CCNJL: variants seen among roughly 807,000 people sequenced by gnomAD.
The protein encoded by CCNJL is cyclin J like.
In CCNJL, 33 loss-of-function variants were observed where a neutral mutation model predicts 33.4. The observed-to-expected ratio is 0.99, with a 90% confidence interval of 0.75 to 1.32. The LOEUF (loss-of-function observed/expected upper bound fraction) is 1.32. Among genes scored for constraint, CCNJL ranks in the 40% most tolerant of loss-of-function variants. The pLI is 0.00. For synonymous variants in CCNJL, 227 were observed against 220.9 expected, an observed-to-expected ratio of 1.03 and a Z score of -0.24; for missense variants, 512 against 499.7, an observed-to-expected ratio of 1.02 and a Z score of -0.23.
intron 2 of CCNJL, among the ~76,000 whole-genome samples, chr5:160,292,700 T>G: frequency 7.0e-6 from 1 of 142,740 alleles, no homozygotes; most frequent in East Asian, 2.0e-4. Flanking sequence ...TATATATATA[T>G]AACTTGAAAG....
intron 2 of CCNJL, among the ~76,000 whole-genome samples, chr5:160,311,391 A>G (rs1023410379): frequency 2.6e-5 from 4 of 152,142 alleles, no homozygotes; most frequent in Non-Finnish European, 5.9e-5. Flanking sequence ...CTTTATATAG[A>G]GTTACTACTT....
chr5:160,279,779 G>C (rs1212893606), intron 3 of CCNJL, among the ~76,000 whole-genome samples: 1 of 152,232 alleles, frequency 6.6e-6, no homozygotes, highest in Non-Finnish European at 1.5e-5. Context: ...GAAAGGCACA[G>C]GGCAAAGAGG....
chr5:160,312,431 C>G lies in CCNJL; in HGVS notation c.-117G>C, dbSNP rs913124910. On this transcript the variant is annotated 5_prime_UTR_variant, in exon 1 of 6. Transcript: ENST00000257536. ...CCCAGTGCCGAGCCAGCCGTGCCCT[C>G]TGGTGCCTGCCGGCGGTTGGACCCT... 2.6e-5 allele frequency: 4 copies of G among 152,892 alleles called. No individual in the cohort carries two copies. Among genetic ancestry groups the G allele is most frequent in the African/African-American group, 9.7e-5 (4 of 41,430 alleles). The allele number at this position is 152,892 out of a possible 1,614,324, so 9.5% of individuals were successfully genotyped here.
intron 3 of CCNJL, among the ~76,000 whole-genome samples, chr5:160,272,544 A>G (rs773469701): frequency 1.3e-5 from 2 of 152,220 alleles, no homozygotes; most frequent in Non-Finnish European, 2.9e-5. Flanking sequence ...AGAAGCCCCA[A>G]GTGGACACGG....
In CCNJL at chr5:160,280,662, A is replaced by G. The variant is rs2113351492; in HGVS notation, c.143T>C (p.Leu48Pro). ...GCAGAGCTGGCAGTGGCTGCTCAGC[A>G]GGGTCAGGATGTCCACGAAGAACCG... ...SRRFFVDILT[L>P]LSSHCQLCPA... is the part of the protein sequence containing the mutation. Residue 48 changes from leucine (L) to proline (P), a missense_variant, in exon 3 of 6, where the codon CTG (leucine) becomes CCG (proline). Leu to Pro is a moderately conservative substitution (Grantham distance 98). Coordinates refer to ENST00000257536, the MANE Select transcript of CCNJL (RefSeq NM_001308173.3). 2 of 1,613,512 alleles carry G rather than the reference A, an allele frequency of 1.2e-6. No homozygotes were observed. The highest frequency in any genetic ancestry group is 2.2e-5 in the East Asian group (1 of 44,858).
chr5:160,292,283 G>A (rs963556723), intron 2 of CCNJL, among the ~76,000 whole-genome samples: 4 of 152,106 alleles, frequency 2.6e-5, no homozygotes, highest in African/African-American at 9.7e-5. Context: ...AGCCTTATGA[G>A]ATATATAGAT....
At chr5:160,307,404 GCCC>G in intron 2 of CCNJL, among the ~76,000 whole-genome samples, 1 of 152,276 alleles carries the variant, frequency 6.6e-6, no homozygotes, top group South Asian at 2.1e-4. Context: ...AAGGAACGTG[GCCC>G]TCAAGCTGCA....
chr5:160,282,966 AATATATATATAT>A (rs70990720), intron 2 of CCNJL, among the ~76,000 whole-genome samples: 65 of 43,390 alleles, frequency 1.5e-3, no homozygotes, highest in African/African-American at 2.0e-3. Context: ...CAGTCCTTGG[AATATATATATAT>A]ATATATATAT....
At chr5:160,288,913 T>C (rs1261007335) in intron 2 of CCNJL, among the ~76,000 whole-genome samples, 1 of 151,790 alleles carries the variant, frequency 6.6e-6, no homozygotes, top group African/African-American at 2.4e-5. Flanking sequence ...TACTAGGTTC[T>C]ACCTGGATTC....
At chr5:160,258,242 C>T (rs1761156317) in intron 4 of CCNJL, 1 of 661,032 alleles carries the variant, frequency 1.5e-6, no homozygotes, top group South Asian at 1.6e-5. Context: ...GACCGAGTCT[C>T]GCTGGTCAAA....
chr5:160,260,064 T>C (rs991874718), intron 3 of CCNJL, among the ~76,000 whole-genome samples: 2 of 152,154 alleles, frequency 1.3e-5, no homozygotes, highest in African/African-American at 4.8e-5. Flanking sequence ...TTAGAGTCAA[T>C]GGGAAAATGC....
upstream of CCNJL, among the ~76,000 whole-genome samples, chr5:160,316,646 A>G (rs1400462943): frequency 6.6e-6 from 1 of 152,136 alleles, no homozygotes; most frequent in Non-Finnish European, 1.5e-5. Flanking sequence ...TTCGGAAGTG[A>G]TTTATGCATT....
In CCNJL at chr5:160,311,869, G is replaced by A. The variant is rs905829963; in HGVS notation, c.55C>T (p.Leu19=). The A allele has an allele frequency of 3.1e-6, 5 of 1,614,068 alleles. No individual in the cohort carries two copies. In the South Asian group the frequency reaches 4.4e-5, roughly 14 times the overall value. The change falls in exon 2 of 6, where the codon CTG becomes TTG. Residue 19 remains leucine, a synonymous_variant. Coordinates refer to ENST00000257536, the MANE Select transcript of CCNJL (RefSeq NM_001308173.3). ...AGGGAGGGACTGACCTTCTCGCGCA[G>A]GGTGCAGTGGACGTCCGAGGCGACG... is the stretch of plus-strand genomic sequence containing the variant. The part of the protein sequence containing the change: ...GRVASDVHCT[L]REKELKLPTF...
At chr5:160,293,596 C>T (rs760062774) in intron 2 of CCNJL, among the ~76,000 whole-genome samples, 2 of 152,084 alleles carry the variant, frequency 1.3e-5, no homozygotes, top group Non-Finnish European at 2.9e-5. Flanking sequence ...TTTCTCTGTG[C>T]GCACGCATGT....
intron 2 of CCNJL, among the ~76,000 whole-genome samples, chr5:160,293,236 T>C (rs1045725954): frequency 2.0e-5 from 3 of 152,282 alleles, no homozygotes; most frequent in South Asian, 2.1e-4. Context: ...CTGGCCAACA[T>C]GGTGAAACCC....
chr5:160,314,383 C>T (rs72814314), upstream of CCNJL, among the ~76,000 whole-genome samples: 14,339 of 152,050 alleles, frequency 0.094, 773 homozygotes, highest in South Asian at 0.2. Context: ...CAAGTATAAA[C>T]GGCTAAATTA....
intron 1 of CCNJL, among the ~76,000 whole-genome samples, chr5:160,337,626 A>C (rs1763699124): frequency 6.6e-6 from 1 of 152,126 alleles, no homozygotes; most frequent in South Asian, 2.1e-4. Context: ...TGCATTGAGA[A>C]TGTCGGGGGT....
At chr5:160,285,162 C>T (rs1225144517) in intron 2 of CCNJL, among the ~76,000 whole-genome samples, 1 of 152,128 alleles carries the variant, frequency 6.6e-6, no homozygotes, top group African/African-American at 2.4e-5. Flanking sequence ...TGCACTCTAG[C>T]TTGGGTGACA....
At chr5:160,283,341 G>A (rs1762303275) in intron 2 of CCNJL, among the ~76,000 whole-genome samples, 2 of 152,042 alleles carry the variant, frequency 1.3e-5, no homozygotes, top group Non-Finnish European at 2.9e-5. Flanking sequence ...AGAGGTTAGG[G>A]GTAACAGTTA....
Sources: gnomAD v4.1 joint callset for allele counts (sites outside exome capture counted in the v4.1 genomes callset) on GRCh38, gnomAD v4.1.1 for gene constraint, MANE v1.5 for transcripts, NCBI Gene and HGNC (gene_info 2026-07-23, HGNC 2026-07-21) for gene names.